The following ZNF569 variants were observed in gnomAD, a reference collection of about 807,000 sequenced individuals.
ZNF569 encodes the protein DNA-binding protein.
In ZNF569, 38 loss-of-function variants were observed where a neutral mutation model predicts 56.3. The observed-to-expected ratio is 0.68, with a 90% CI of 0.52 to 0.88. The LOEUF (loss-of-function observed/expected upper bound fraction) is 0.88, where lower values mean the gene tolerates loss of function less well. ZNF569 is among the 40% of genes least tolerant of loss of function. ZNF569 has a pLI of 0.00. For missense variants in ZNF569, 666 were observed against 809.2 expected (o/e 0.82, Z 2.15); for synonymous variants, 241 against 262.9 (o/e 0.92, Z 0.81).
chr19:37,439,117 C>T (rs1328062854), intron 3 of ZNF569, among the ~76,000 whole-genome samples: 1 of 152,156 alleles, frequency 6.6e-6, no homozygotes, highest in South Asian at 2.1e-4. Context: ...GTTGCCCAGG[C>T]TGGAGTGCAG....
chr19:37,465,600 G>T (rs954826563), intron 1 of ZNF569, 127 bp from the exon 2 acceptor site: 1 of 152,176 alleles, frequency 6.6e-6, no homozygotes, highest in Non-Finnish European at 1.5e-5. Flanking sequence ...TTATATCCAT[G>T]AGGTTAACAA....
chr19:37,443,852 C>CAAAAAA (rs1201588423), intron 3 of ZNF569, among the ~76,000 whole-genome samples: 47 of 114,608 alleles, frequency 4.1e-4, no homozygotes, highest in African/African-American at 1.5e-3. Flanking sequence ...ACTAAAAATA[C>CAAAAAA]AAAAAAAAAA....
chr19:37,467,779 C>T (rs1160002285), upstream of ZNF569: 1 of 1,113,664 alleles, frequency 9.0e-7, no homozygotes, highest in African/African-American at 1.5e-5. Context: ...GGCGAGAGAC[C>T]CTGTCCAGTG....
intron 2 of ZNF569, among the ~76,000 whole-genome samples, chr19:37,451,794 A>G (rs2041597664): frequency 6.6e-6 from 1 of 152,102 alleles, no homozygotes; most frequent in African/African-American, 2.4e-5. Context: ...ATCTTTTTCC[A>G]TCCCGCACCT....
intron 2 of ZNF569, among the ~76,000 whole-genome samples, chr19:37,446,549 CAAAAA>C (rs74174464): frequency 1.7e-5 from 1 of 60,454 alleles, no homozygotes; most frequent in African/African-American, 6.6e-5. Context: ...GACTCCATCT[CAAAAA>C]AAAAAAAAAA....
chr19:37,431,739 A>G (rs1487160809), intron 3 of ZNF569: 2 of 152,266 alleles, frequency 1.3e-5, no homozygotes, highest in Non-Finnish European at 2.9e-5. Context: ...GGGGTCCCCA[A>G]TTCCAGGCCT....
At chr19:37,452,773 A>G in intron 2 of ZNF569, among the ~76,000 whole-genome samples, 1 of 152,174 alleles carries the variant, frequency 6.6e-6, no homozygotes, top group East Asian at 1.9e-4. Context: ...ACAATTTGCT[A>G]TAATGCATCT....
rs546822976 is a variant in ZNF569 at position 37,465,345 on chromosome 19, T to G, written c.-76A>C. 6 of 152,330 alleles carry G rather than the reference T, an allele frequency of 3.9e-5. No individual in the cohort carries two copies. Among genetic ancestry groups the G allele is most frequent in the Admixed American group, 6.5e-5 (1 of 15,300 alleles). 9.4% of individuals were successfully genotyped at this position (152,330 alleles called of 1,614,324 possible). A position where few individuals can be genotyped will look rare whatever the true frequency, so the allele number is the denominator to read the frequency against. On this transcript the variant is annotated 5_prime_UTR_variant, in exon 2 of 6. Transcript: ENST00000316950. Reference sequence around the variant, plus strand: ...ATTATCCAGCCCACAAAAATGTAAGTACCATGATAGTAGGGGGTTTGTCTC... The same window carrying G: ...ATTATCCAGCCCACAAAAATGTAAGGACCATGATAGTAGGGGGTTTGTCTC...
At chr19:37,454,319 G>C (rs191634392) in intron 2 of ZNF569, among the ~76,000 whole-genome samples, 1 of 151,804 alleles carries the variant, frequency 6.6e-6, no homozygotes, top group Non-Finnish European at 1.5e-5. Flanking sequence ...TTTGATTCTT[G>C]TTATCTTGGT....
chr19:37,464,438 C>T (rs150279273), intron 2 of ZNF569, among the ~76,000 whole-genome samples: 1 of 152,294 alleles, frequency 6.6e-6, no homozygotes, highest in South Asian at 2.1e-4. Context: ...ATCCGCCCAC[C>T]TTGGCCTCCC....
At chr19:37,436,480 A>G (rs1186606535) in intron 3 of ZNF569, among the ~76,000 whole-genome samples, 1 of 151,980 alleles carries the variant, frequency 6.6e-6, no homozygotes, top group Non-Finnish European at 1.5e-5. Flanking sequence ...AATAAATAAT[A>G]AAGATCAGAG....
At position 37,413,915 on chromosome 19, in the gene ZNF569, C is replaced by A. The variant is rs1250668592; in HGVS notation, c.743G>T (p.Gly248Val). 6.2e-7 allele frequency: 1 copy of A among 1,613,324 alleles called. No individual in the cohort carries two copies. ...ATTTGACATTTTAATGAAAGCTTTA[C>A]CACATTCATTACATTTGTAAGACTG... ...REQSYKCNEC[G>V]KAFIKMSNLI... The change falls in exon 6 of 6, where the codon GGT becomes GTT. Residue 248 changes from glycine to valine, a missense_variant. Transcript: ENST00000316950.
At chr19:37,437,562 T>C (rs1453655741) in intron 3 of ZNF569, among the ~76,000 whole-genome samples, 1 of 152,220 alleles carries the variant, frequency 6.6e-6, no homozygotes, top group Non-Finnish European at 1.5e-5. Context: ...TGTGATATGA[T>C]CTTCTGTTTG....
At chr19:37,454,283 C>T (rs2041638253) in intron 2 of ZNF569, among the ~76,000 whole-genome samples, 1 of 151,944 alleles carries the variant, frequency 6.6e-6, no homozygotes, top group South Asian at 2.1e-4. Context: ...TGCAGGCTTC[C>T]TAGCTGTACT....
chr19:37,468,089 GT>G (rs2041881286), upstream of ZNF569: 17 of 684,304 alleles, frequency 2.5e-5, no homozygotes, highest in African/African-American at 2.1e-4. Flanking sequence ...TTTTTTGTTT[GT>G]TTTGTTTTTT....
intron 5 of ZNF569, among the ~76,000 whole-genome samples, chr19:37,422,787 C>CT (rs1378711490): frequency 6.6e-6 from 1 of 152,104 alleles, no homozygotes; most frequent in Non-Finnish European, 1.5e-5. Context: ...GGGAATAGAA[C>CT]TTTCACCATT....
At position 37,413,686 on chromosome 19, in the gene ZNF569, T is replaced by C; in HGVS notation, c.972A>G (p.Lys324=). 6.2e-7 allele frequency: 1 copy of C among 1,613,828 alleles called. No individual in the cohort carries two copies. The highest frequency in any genetic ancestry group is 8.5e-7 in the Non-Finnish European group (1 of 1,179,886). The stretch of plus-strand genomic sequence containing the variant: ...TACCACATTCATTACATGCATAAGG[T>C]TTCTCCCCAGTATGAACTTTCTGAT... ...IAHQKVHTGE[K]PYACNECGKA... is the part of the protein sequence containing the mutation. The change falls in exon 6 of 6, where the codon AAA becomes AAG. Residue 324 remains lysine, a synonymous_variant. Coordinates refer to ENST00000316950, the MANE Select transcript of ZNF569 (RefSeq NM_152484.3).
intron 5 of ZNF569, among the ~76,000 whole-genome samples, chr19:37,422,471 T>A (rs1047489307): frequency 6.6e-6 from 1 of 152,024 alleles, no homozygotes; most frequent in Admixed American, 6.6e-5. Context: ...AATAATATAA[T>A]GAAAAGGTTT....
Position 37,457,127 on chromosome 19 carries a change from G to A in ZNF569, c.-44+8186C>T, listed in dbSNP as rs139788191. On this transcript the variant is annotated intron_variant, in intron 2 of 5. Transcript: ENST00000316950. ...CTAAAAACATATACACAAACTTCACGTTAACTCTTTCAGAATGTACCTCCA... is the reference window on the plus strand; with the variant it reads ...CTAAAAACATATACACAAACTTCACATTAACTCTTTCAGAATGTACCTCCA... Among the ~76,000 whole-genome samples, 35 of 151,990 alleles carry A rather than the reference G, an allele frequency of 2.3e-4. No individual in the cohort carries two copies. The East Asian group carries it at 5.0e-3, about 22-fold the overall frequency.
Sources: gnomAD v4.1 joint callset for allele counts (sites outside exome capture counted in the v4.1 genomes callset) on GRCh38, gnomAD v4.1.1 for gene constraint, MANE v1.5 for transcripts, NCBI Gene and HGNC (gene_info 2026-07-23, HGNC 2026-07-21) for gene names.